Variants in UPK1B observed in about 807,000 individuals in gnomAD.
The protein encoded by UPK1B is uroplakin 1B.
Under a neutral mutation model 34.2 loss-of-function variants are expected in UPK1B, and 28 were observed. That is an observed-to-expected ratio of 0.82 (90% CI 0.61 to 1.12). The LOEUF (loss-of-function observed/expected upper bound fraction) is 1.12, where lower values mean the gene tolerates loss of function less well. Ranked by LOEUF, UPK1B falls within the 50% of genes most tolerant of loss-of-function variation. UPK1B has a pLI of 0.00. For synonymous variants in UPK1B, 81 were observed against 110.4 expected (o/e 0.73, Z 1.67); for missense variants, 325 against 320.9 (o/e 1.01, Z -0.10).
In UPK1B at chr3:119,190,264, T is replaced by C; in HGVS notation, c.290T>C (p.Ile97Thr). ...ILLAYFILMF[I>T]VYAFEVASCI... Reference sequence around the variant, plus strand: ...TTCCAGTATTTCATTCTGATGTTTATAGTATATGCCTTTGAAGTGGCATCT... The same window carrying C: ...TTCCAGTATTTCATTCTGATGTTTACAGTATATGCCTTTGAAGTGGCATCT... The change falls in exon 4 of 8, where the codon ATA becomes ACA. Residue 97 changes from isoleucine to threonine, a missense_variant. Physicochemically the swap from Ile to Thr is moderately conservative, Grantham distance 89. Coordinates refer to ENST00000264234, the MANE Select transcript of UPK1B (RefSeq NM_006952.4). 6.2e-7 allele frequency: 1 copy of C among 1,610,060 alleles called. No homozygotes were observed. Among genetic ancestry groups the C allele is most frequent in the Non-Finnish European group, 8.5e-7 (1 of 1,177,328 alleles).
In UPK1B at chr3:119,184,279, A is replaced by G. The variant is rs576153012; in HGVS notation, c.-28-2435A>G. 2.0e-5 allele frequency among the ~76,000 whole-genome samples: 3 copies of G among 152,306 alleles called. No individual in the cohort carries two copies. In the South Asian group the frequency reaches 6.2e-4, roughly 32 times the overall value. On this transcript the variant is annotated intron_variant, in intron 1 of 7. Coordinates refer to ENST00000264234, the MANE Select transcript of UPK1B (RefSeq NM_006952.4). ...GTCACGGGGCATAATTGGGTCACCC[A>G]GGCCACCTCCCTTGATCGGGGCCCC...
At chr3:119,190,113 A>AG (rs2078037222) in intron 3 of UPK1B, 132 bp from the exon 4 acceptor site, 2 of 635,438 alleles carry the variant, frequency 3.1e-6, no homozygotes, top group African/African-American at 1.9e-5. Context: ...CTGGTCAATG[A>AG]GGGTTTGTTG....
chr3:119,199,791 A>G (rs1025531408), intron 7 of UPK1B, among the ~76,000 whole-genome samples: 5 of 152,228 alleles, frequency 3.3e-5, no homozygotes, highest in Non-Finnish European at 7.3e-5. Flanking sequence ...ATTGCCTTAG[A>G]GAAGCAGTCA....
intron 1 of UPK1B, among the ~76,000 whole-genome samples, chr3:119,183,123 C>T (rs2077996752): frequency 6.6e-6 from 1 of 152,214 alleles, no homozygotes; most frequent in African/African-American, 2.4e-5. Context: ...CTACTGAAAG[C>T]ATTTGCTATG....
rs1455316043 is a variant in UPK1B, at chr3:119,179,366, T to TATATAG, written c.-29+5733_-29+5734insGATATA. 4.7e-4 allele frequency among the ~76,000 whole-genome samples: 24 copies of TATATAG among 50,954 alleles called. 2 individuals carry two copies. Among genetic ancestry groups the TATATAG allele is most frequent in the South Asian group, 3.3e-3 (3 of 902 alleles). The allele number at this position is 50,954 out of a possible 152,430, so 33.4% of individuals were successfully genotyped here. ...AGAGAGAGGGAGATATATATATATA[T>TATATAG]ATATATATATATATATATATATATA... is the stretch of plus-strand genomic sequence containing the variant. On this transcript the variant is annotated intron_variant, in intron 1 of 7. Coordinates refer to ENST00000264234, the MANE Select transcript of UPK1B (RefSeq NM_006952.4).
At chr3:119,178,434 C>T (rs1383487475) in intron 1 of UPK1B, among the ~76,000 whole-genome samples, 1 of 152,070 alleles carries the variant, frequency 6.6e-6, no homozygotes, top group East Asian at 1.9e-4. Context: ...CTACAGGGAA[C>T]CTTTGAAGGG....
At chr3:119,179,493 G>T in intron 1 of UPK1B, among the ~76,000 whole-genome samples, 1 of 124,294 alleles carries the variant, frequency 8.0e-6, no homozygotes, top group African/African-American at 2.9e-5. Flanking sequence ...TTGGGGAAGA[G>T]TTGATGTTGC....
chr3:119,193,617 A>C (rs1443064721), intron 5 of UPK1B, among the ~76,000 whole-genome samples: 3 of 152,196 alleles, frequency 2.0e-5, no homozygotes, highest in African/African-American at 7.2e-5. Context: ...AATAATACCT[A>C]ATTACTCTAA....
At chr3:119,183,178 C>T (rs938337718) in intron 1 of UPK1B, among the ~76,000 whole-genome samples, 3 of 152,034 alleles carry the variant, frequency 2.0e-5, no homozygotes, top group Admixed American at 1.3e-4. Flanking sequence ...AATGATCTGG[C>T]GCCAGGCAGA....
At position 119,199,074 on chromosome 3, in the gene UPK1B, C is replaced by A; in HGVS notation, c.666C>A (p.Ile222=). 1 of 1,614,168 alleles carries A rather than the reference C, an allele frequency of 6.2e-7. No homozygotes were observed. The highest frequency in any genetic ancestry group is 2.2e-5 in the East Asian group (1 of 44,882). The change falls in exon 7 of 8, where the codon ATC becomes ATA. Residue 222 remains isoleucine, a synonymous_variant. Transcript: ENST00000264234. ...TCCTTCAGGGCTGCTATGAACTGAT[C>A]TCTGGTCCAATGAACCGACACGCCT... ...FYHNQGCYEL[I]SGPMNRHAWG... is the part of the protein sequence containing the mutation.
chr3:119,187,176 C>A (rs560963936), intron 2 of UPK1B, among the ~76,000 whole-genome samples: 2 of 152,294 alleles, frequency 1.3e-5, no homozygotes, highest in South Asian at 4.1e-4. Context: ...CAGATGCTTG[C>A]ATCTTGTTCT....
chr3:119,175,184 C>T (rs548050821), intron 1 of UPK1B, among the ~76,000 whole-genome samples: 3 of 151,642 alleles, frequency 2.0e-5, no homozygotes, highest in Admixed American at 1.3e-4. Context: ...TCTGCCACCA[C>T]GCCCGGCCAA....
At chr3:119,198,712 C>G (rs2078077485) in intron 6 of UPK1B, among the ~76,000 whole-genome samples, 1 of 152,058 alleles carries the variant, frequency 6.6e-6, no homozygotes, top group Admixed American at 6.5e-5. Context: ...ACCAACGAAG[C>G]CTTTGGGGAG....
intron 1 of UPK1B, among the ~76,000 whole-genome samples, chr3:119,176,949 C>T (rs557440977): frequency 3.9e-5 from 6 of 152,158 alleles, no homozygotes; most frequent in Non-Finnish European, 5.9e-5. Context: ...TCATAAGTTA[C>T]GAGGTTTGTC....
At chr3:119,179,507 C>CTT (rs71297415) in intron 1 of UPK1B, among the ~76,000 whole-genome samples, 5 of 52,254 alleles carry the variant, frequency 9.6e-5, no homozygotes, top group Admixed American at 2.4e-4. Context: ...ATGTTGCAGT[C>CTT]TTTTTTTTTT....
chr3:119,202,194 C>T (rs1448707741), intron 7 of UPK1B, among the ~76,000 whole-genome samples: 2 of 152,202 alleles, frequency 1.3e-5, no homozygotes, highest in African/African-American at 2.4e-5. Flanking sequence ...TCCTGTCTTA[C>T]AAGGAGCAGA....
intron 7 of UPK1B, among the ~76,000 whole-genome samples, chr3:119,202,855 G>A (rs1202228184): frequency 1.3e-5 from 2 of 152,114 alleles, no homozygotes; most frequent in African/African-American, 4.8e-5. Flanking sequence ...TGGCCTTGAT[G>A]GCAAAAAGAG....
chr3:119,191,345 C>T (rs2078043392), intron 5 of UPK1B, among the ~76,000 whole-genome samples: 2 of 152,212 alleles, frequency 1.3e-5, no homozygotes, highest in African/African-American at 4.8e-5. Flanking sequence ...GTGGTAATTA[C>T]TGCCTGTTTC....
chr3:119,179,390 T>G (rs1426229426), intron 1 of UPK1B, among the ~76,000 whole-genome samples: 4 of 93,106 alleles, frequency 4.3e-5, no homozygotes, highest in East Asian at 2.8e-4. Flanking sequence ...TATATATATA[T>G]ATATATATTA....
Sources: allele counts gnomAD v4.1 joint callset (sites outside exome capture counted in the v4.1 genomes callset), GRCh38; gene constraint gnomAD v4.1.1; transcripts MANE v1.5; gene names NCBI Gene and HGNC (gene_info 2026-07-23, HGNC 2026-07-21).